The following KLF17 variants were observed in gnomAD, a reference collection of about 807,000 sequenced individuals.
KLF17 encodes the protein KLF transcription factor 17.
In KLF17, 31 loss-of-function variants were observed where a neutral mutation model predicts 34.2. The ratio of observed to expected loss-of-function variants is 0.91; its 90% CI spans 0.68 to 1.22. The LOEUF (loss-of-function observed/expected upper bound fraction) is 1.22, where lower values mean the gene tolerates loss of function less well. Ranked by LOEUF, KLF17 falls within the 50% of genes most tolerant of loss-of-function variation. KLF17 has a pLI of 0.00. For missense variants in KLF17, 478 were observed against 505.2 expected, an observed-to-expected ratio of 0.95 and a Z score of 0.52; for synonymous variants, 179 against 186.7, an observed-to-expected ratio of 0.96 and a Z score of 0.34.
chr1:44,110,997 T>C, the KLF17 span, among the ~76,000 whole-genome samples: 5 of 151,604 alleles, frequency 3.3e-5, no homozygotes, highest in Non-Finnish European at 7.4e-5. Context: ...TCTGTTTTCC[T>C]TTTTTTTGAG....
At chr1:44,078,805 G>C in the KLF17 span, among the ~76,000 whole-genome samples, 1 of 152,166 alleles carries the variant, frequency 6.6e-6, no homozygotes, top group African/African-American at 2.4e-5. Context: ...CCCACAACAG[G>C]TGGTTTCCTA....
the KLF17 span, among the ~76,000 whole-genome samples, chr1:44,102,724 C>T: frequency 6.6e-6 from 1 of 151,898 alleles, no homozygotes; most frequent in African/African-American, 2.4e-5. Context: ...GTAGGTTCAT[C>T]GATTGTAACA....
intron 1 of KLF17, among the ~76,000 whole-genome samples, chr1:44,121,543 C>T (rs1204336325): frequency 6.6e-6 from 1 of 152,176 alleles, no homozygotes; most frequent in African/African-American, 2.4e-5. Flanking sequence ...GTGATTATGT[C>T]CCTTGAGTCT....
chr1:44,118,063 T>C (rs2087899749), upstream of KLF17, among the ~76,000 whole-genome samples: 1 of 152,194 alleles, frequency 6.6e-6, no homozygotes, highest in Non-Finnish European at 1.5e-5. Context: ...CGTTGGGCTC[T>C]TTTTTGCCTT....
chr1:44,071,316 C>T, the KLF17 span, among the ~76,000 whole-genome samples: 1 of 152,270 alleles, frequency 6.6e-6, no homozygotes, highest in East Asian at 1.9e-4. Context: ...CAGCTCACCC[C>T]TCCTATGGTT....
At chr1:44,128,834 G>A (rs2088060109) in intron 1 of KLF17, among the ~76,000 whole-genome samples, 1 of 152,100 alleles carries the variant, frequency 6.6e-6, no homozygotes, top group Admixed American at 6.6e-5. Context: ...CCAACATGGA[G>A]AAACCCCGTC....
chr1:44,106,411 A>G, the KLF17 span: 1 of 152,284 alleles, frequency 6.6e-6, no homozygotes. Flanking sequence ...TCCCATTGCT[A>G]TCTCCATCCT....
the KLF17 span, among the ~76,000 whole-genome samples, chr1:44,059,355 G>T: frequency 3.9e-5 from 6 of 152,276 alleles, no homozygotes; most frequent in East Asian, 7.7e-4. Flanking sequence ...AGGCCCACTG[G>T]ACACCATGTT....
chr1:44,111,148 G>A, the KLF17 span, among the ~76,000 whole-genome samples: 1 of 147,800 alleles, frequency 6.8e-6, no homozygotes, highest in Non-Finnish European at 1.5e-5. Context: ...ACCACTCCCA[G>A]CTATATATAT....
chr1:44,100,130 T>G, the KLF17 span, among the ~76,000 whole-genome samples: 1 of 147,356 alleles, frequency 6.8e-6, no homozygotes, highest in African/African-American at 2.5e-5. Context: ...TAGCTGGGCA[T>G]GGTGGTGTGT....
the KLF17 span, among the ~76,000 whole-genome samples, chr1:44,068,118 G>C: frequency 6.6e-6 from 1 of 151,618 alleles, no homozygotes; most frequent in Non-Finnish European, 1.5e-5. Flanking sequence ...TCCGCCCCCT[G>C]GGTTCAAGCA....
the KLF17 span, among the ~76,000 whole-genome samples, chr1:44,047,461 G>A: frequency 1.3e-5 from 2 of 152,180 alleles, no homozygotes; most frequent in African/African-American, 4.8e-5. Flanking sequence ...CTCCAGCCTG[G>A]TCATGAGATG....
the KLF17 span, among the ~76,000 whole-genome samples, chr1:44,053,708 T>C: frequency 2.0e-5 from 3 of 152,352 alleles, no homozygotes; most frequent in African/African-American, 7.2e-5. Flanking sequence ...TTTGGCTTTA[T>C]GCAAGGAAAA....
the KLF17 span, among the ~76,000 whole-genome samples, chr1:44,073,285 C>T: frequency 1.3e-5 from 2 of 151,166 alleles, no homozygotes; most frequent in Non-Finnish European, 2.9e-5. Context: ...CGGCTCACCG[C>T]AACCTCTGCT....
the KLF17 span, chr1:44,103,320 C>T: frequency 9.5e-6 from 7 of 733,214 alleles, no homozygotes; most frequent in Admixed American, 1.8e-5. Context: ...TTGGGCAGGA[C>T]GTCAAAGGAC....
chr1:44,052,972 C>T, the KLF17 span, among the ~76,000 whole-genome samples: 6 of 150,804 alleles, frequency 4.0e-5, no homozygotes, highest in African/African-American at 1.5e-4. Flanking sequence ...AAGATCTCGA[C>T]TTGCCACAAC....
rs1167026882 is a variant in KLF17, at chr1:44,134,956, T to TCATC, written c.*1722_*1723insCCAT. On this transcript the variant is annotated 3_prime_UTR_variant, in exon 4 of 4. Coordinates refer to ENST00000372299, the MANE Select transcript of KLF17 (RefSeq NM_173484.4). ...CGTTTTCCATTGATTGTGATATCTA[T>TCATC]CATACCTGCAAAAAATATTTTGTAT... is the stretch of plus-strand genomic sequence containing the variant. The TCATC allele has an allele frequency of 3.3e-5, 5 of 152,062 alleles. No individual in the cohort carries two copies. The highest frequency in any genetic ancestry group is 7.3e-5 in the Non-Finnish European group (5 of 68,028). The allele number at this position is 152,062 out of a possible 1,614,324, so 9.4% of individuals were successfully genotyped here.
At chr1:44,064,393 T>C in the KLF17 span, among the ~76,000 whole-genome samples, 1 of 152,238 alleles carries the variant, frequency 6.6e-6, no homozygotes, top group African/African-American at 2.4e-5. Flanking sequence ...AGACACTTTC[T>C]ATGCAAATCC....
the KLF17 span, chr1:44,076,734 T>A: frequency 6.6e-6 from 1 of 151,940 alleles, no homozygotes; most frequent in South Asian, 2.1e-4. Context: ...TTTTTCTTTC[T>A]TTCTTTTTAA....
Sources: gnomAD v4.1 joint callset for allele counts (sites outside exome capture counted in the v4.1 genomes callset) on GRCh38, gnomAD v4.1.1 for gene constraint, MANE v1.5 for transcripts, NCBI Gene and HGNC (gene_info 2026-07-23, HGNC 2026-07-21) for gene names.